The following PDCD1LG2 variants were observed in gnomAD, a reference collection of about 807,000 sequenced individuals.
The protein encoded by PDCD1LG2 is programmed cell death 1 ligand 2.
PDCD1LG2 carries 32 observed loss-of-function variants against 28.2 expected under a neutral mutation model. The ratio of observed to expected loss-of-function variants is 1.13; its 90% CI spans 0.86 to 1.52. PDCD1LG2 has a LOEUF of 1.52. PDCD1LG2 is among the 40% of genes most tolerant of loss of function. The pLI, the probability that PDCD1LG2 is intolerant of heterozygous loss-of-function variation, is 0.00. For synonymous variants in PDCD1LG2, 116 were observed against 120.2 expected, an observed-to-expected ratio of 0.97 and a Z score of 0.23; for missense variants, 385 against 323.8, an observed-to-expected ratio of 1.19 and a Z score of -1.45.
chr9:5,529,249 T>C (rs1820436940), intron 2 of PDCD1LG2, among the ~76,000 whole-genome samples: 2 of 152,252 alleles, frequency 1.3e-5, no homozygotes, highest in Non-Finnish European at 2.9e-5. Context: ...TAAAAGATTG[T>C]CTTCTATATT....
intron 1 of PDCD1LG2, 140 bp from the exon 2 acceptor site, chr9:5,522,393 T>C: frequency 1.7e-6 from 1 of 592,328 alleles, no homozygotes; most frequent in South Asian, 2.5e-5. Context: ...AACCTATAAC[T>C]TCTCCTCCCA....
intron 3 of PDCD1LG2, among the ~76,000 whole-genome samples, chr9:5,546,296 C>T (rs1465312204): frequency 6.6e-6 from 1 of 152,138 alleles, no homozygotes; most frequent in East Asian, 1.9e-4. Context: ...GGACCCTCAC[C>T]CACAGTACTC....
chr9:5,537,232 T>C (rs1820597178), intron 3 of PDCD1LG2, among the ~76,000 whole-genome samples: 1 of 152,176 alleles, frequency 6.6e-6, no homozygotes, highest in South Asian at 2.1e-4. Context: ...ACGAACAAGA[T>C]TCCTTAGCCT....
chr9:5,537,680 G>A (rs911290664), intron 3 of PDCD1LG2, among the ~76,000 whole-genome samples: 4 of 152,148 alleles, frequency 2.6e-5, no homozygotes, highest in Non-Finnish European at 2.9e-5. Context: ...ATTGAACAAT[G>A]AGAACACATG....
chr9:5,559,177 A>G (rs1267009019), intron 5 of PDCD1LG2, among the ~76,000 whole-genome samples: 2 of 152,232 alleles, frequency 1.3e-5, no homozygotes, highest in South Asian at 2.1e-4. Flanking sequence ...CCTTCACCCC[A>G]ATCTTAAGAG....
At chr9:5,526,129 A>G (rs1820375505) in intron 2 of PDCD1LG2, among the ~76,000 whole-genome samples, 1 of 152,056 alleles carries the variant, frequency 6.6e-6, no homozygotes, top group Non-Finnish European at 1.5e-5. Flanking sequence ...GCAGACATAC[A>G]TCATTAGTAA....
intron 3 of PDCD1LG2, among the ~76,000 whole-genome samples, chr9:5,546,184 T>G (rs1400894225): frequency 6.6e-6 from 1 of 152,118 alleles, no homozygotes; most frequent in Non-Finnish European, 1.5e-5. Context: ...AGTCAAAGCC[T>G]CAGCCAAGCT....
intron 4 of PDCD1LG2, among the ~76,000 whole-genome samples, chr9:5,551,156 A>G (rs1019793490): frequency 6.6e-6 from 1 of 152,206 alleles, no homozygotes; most frequent in African/African-American, 2.4e-5. Flanking sequence ...CACATGTTCC[A>G]GGGATTAGAA....
At chr9:5,541,679 A>T (rs919255654) in intron 3 of PDCD1LG2, among the ~76,000 whole-genome samples, 1 of 152,178 alleles carries the variant, frequency 6.6e-6, no homozygotes, top group Non-Finnish European at 1.5e-5. Flanking sequence ...GATGACACAA[A>T]CAAATGGAAA....
Position 5,563,197 on chromosome 9 carries a change from G to A in PDCD1LG2, c.802G>A (p.Glu268Lys), listed in dbSNP as rs766028047. 1.9e-6 allele frequency: 3 copies of A among 1,612,340 alleles called. No homozygotes were observed. Among genetic ancestry groups the A allele is most frequent in the South Asian group, 1.1e-5 (1 of 90,990 alleles). ...AAGACCTGTCACCACAACAAAGAGGGAAGTGAACAGTGCTGTGAGTAAGCA... is the reference window on the plus strand; with the variant it reads ...AAGACCTGTCACCACAACAAAGAGGAAAGTGAACAGTGCTGTGAGTAAGCA... ...TKRPVTTTKR[E>K]VNSAI Residue 268 changes from glutamate to lysine, a missense_variant, in exon 6 of 7, where the codon GAA becomes AAA. By Grantham distance (56) the Glu-to-Lys change is moderately conservative. Coordinates refer to ENST00000397747, the MANE Select transcript of PDCD1LG2 (RefSeq NM_025239.4).
intron 2 of PDCD1LG2, among the ~76,000 whole-genome samples, chr9:5,526,769 G>A (rs1820388262): frequency 6.6e-6 from 1 of 152,104 alleles, no homozygotes; most frequent in Non-Finnish European, 1.5e-5. Context: ...AGAAATTGCT[G>A]AAGAGGACTA....
intron 3 of PDCD1LG2, among the ~76,000 whole-genome samples, chr9:5,548,776 T>A (rs1336370338): frequency 6.6e-6 from 1 of 152,182 alleles, no homozygotes; most frequent in African/African-American, 2.4e-5. Context: ...ATTATCTAGG[T>A]CTTTATTTTT....
intron 4 of PDCD1LG2, among the ~76,000 whole-genome samples, chr9:5,553,734 C>T (rs1816382664): frequency 6.6e-6 from 1 of 152,190 alleles, no homozygotes; most frequent in East Asian, 1.9e-4. Context: ...GGGTCTTCAT[C>T]AGAGCTCAGG....
intron 1 of PDCD1LG2, among the ~76,000 whole-genome samples, chr9:5,515,474 C>T (rs1466638572): frequency 1.3e-5 from 2 of 152,188 alleles, no homozygotes; most frequent in African/African-American, 4.8e-5. Context: ...GGAGGGTGAG[C>T]AAGGCGGAGA....
chr9:5,512,178 T>A lies in PDCD1LG2; in HGVS notation c.-15+1375T>A, dbSNP rs569568769. 6.6e-5 allele frequency among the ~76,000 whole-genome samples: 10 copies of A among 152,332 alleles called. No individual in the cohort carries two copies. The South Asian group carries it at 2.1e-3, about 32-fold the overall frequency. On this transcript the variant is annotated intron_variant, in intron 1 of 6. Coordinates refer to ENST00000397747, the MANE Select transcript of PDCD1LG2 (RefSeq NM_025239.4). ...AATTCCACATGCTAATGTCCAAATATGTCATATGTCTTAATTGTTGCATAC... is the reference window on the plus strand; with the variant it reads ...AATTCCACATGCTAATGTCCAAATAAGTCATATGTCTTAATTGTTGCATAC...
At chr9:5,537,336 T>A (rs997564600) in intron 3 of PDCD1LG2, among the ~76,000 whole-genome samples, 2 of 152,204 alleles carry the variant, frequency 1.3e-5, no homozygotes, top group Non-Finnish European at 2.9e-5. Context: ...GTTCTTCGGA[T>A]TCATGAATAA....
chr9:5,552,530 G>A (rs1237676487), intron 4 of PDCD1LG2, among the ~76,000 whole-genome samples: 1 of 152,184 alleles, frequency 6.6e-6, no homozygotes, highest in African/African-American at 2.4e-5. Context: ...CATGCTTGAG[G>A]AGGTTGTCAG....
At position 5,563,143 on chromosome 9, in the gene PDCD1LG2, T is replaced by C. The variant is rs1460553680; in HGVS notation, c.767-19T>C. On this transcript the variant is annotated intron_variant, in intron 5 of 6. Transcript: ENST00000397747. ...TTTCTCATTAATCTTATTCCATTTC[T>C]GGAATTTTTCCTTTTCAGACACAAC... The C allele has an allele frequency of 1.9e-6, 3 of 1,591,570 alleles. No homozygotes were observed. Among genetic ancestry groups the C allele is most frequent in the Non-Finnish European group, 2.6e-6 (3 of 1,160,256 alleles).
chr9:5,544,622 G>C (rs369526877), intron 3 of PDCD1LG2, among the ~76,000 whole-genome samples: 2 of 152,158 alleles, frequency 1.3e-5, no homozygotes, highest in African/African-American at 4.8e-5. Context: ...GACACACAAA[G>C]CACACACACC....
Sources: allele counts gnomAD v4.1 joint callset (sites outside exome capture counted in the v4.1 genomes callset), GRCh38; gene constraint gnomAD v4.1.1; transcripts MANE v1.5; gene names NCBI Gene and HGNC (gene_info 2026-07-23, HGNC 2026-07-21).